The following RYR2 variants were observed in gnomAD, a reference collection of about 807,000 sequenced individuals.
RYR2 encodes cardiac muscle ryanodine receptor-calcium release channel.
RYR2 carries 227 observed loss-of-function variants against 601.1 expected under a neutral mutation model. The observed-to-expected ratio is 0.38, with a 90% CI of 0.34 to 0.42. The LOEUF (loss-of-function observed/expected upper bound fraction) is 0.42. Among genes scored for constraint, RYR2 ranks in the 10% least tolerant of loss-of-function variants. The probability of loss-of-function intolerance (pLI) is 1.00; values close to 1 mark genes in which losing one functional copy is unlikely to be tolerated. For missense variants in RYR2, 4,646 were observed against 6,156.5 expected (o/e 0.75, Z 8.21); for synonymous variants, 2,223 against 2,175.1 (o/e 1.02, Z -0.61).
At chr1:237,344,227 G>A (rs1011157976) in intron 3 of RYR2, among the ~76,000 whole-genome samples, 4 of 152,204 alleles carry the variant, frequency 2.6e-5, no homozygotes, top group East Asian at 1.9e-4. Context: ...TTCTCATGGC[G>A]TTTTGCCGGG....
chr1:237,303,395 G>A (rs1333832851), intron 2 of RYR2, among the ~76,000 whole-genome samples: 3 of 149,268 alleles, frequency 2.0e-5, no homozygotes, highest in Non-Finnish European at 4.4e-5. Flanking sequence ...TGCCTCTCGG[G>A]TTCAAGTGAT....
At chr1:237,273,581 C>T (rs1689932017) in intron 2 of RYR2, among the ~76,000 whole-genome samples, 1 of 152,044 alleles carries the variant, frequency 6.6e-6, no homozygotes, top group African/African-American at 2.4e-5. Context: ...ATGGCTCTGT[C>T]CTCTGACAAG....
chr1:237,795,836 G>GTGTATA (rs371932356), intron 96 of RYR2, among the ~76,000 whole-genome samples: 1,943 of 132,652 alleles, frequency 0.015, 47 homozygotes, highest in African/African-American at 0.049. Context: ...GTGTGTGTGT[G>GTGTATA]TATATATATA....
At chr1:237,485,831 T>A (rs781405115) in intron 17 of RYR2, among the ~76,000 whole-genome samples, 2 of 152,192 alleles carry the variant, frequency 1.3e-5, no homozygotes, top group Non-Finnish European at 2.9e-5. Flanking sequence ...GGGACTGATA[T>A]TCTATGCTAA....
intron 1 of RYR2, among the ~76,000 whole-genome samples, chr1:237,255,993 C>A (rs896698925): frequency 6.6e-6 from 1 of 152,008 alleles, no homozygotes; most frequent in African/African-American, 2.4e-5. Flanking sequence ...CCCTGACAGT[C>A]TTTAGAATTG....
intron 51 of RYR2, among the ~76,000 whole-genome samples, chr1:237,653,792 A>G (rs1316520900): frequency 6.6e-6 from 1 of 152,212 alleles, no homozygotes; most frequent in Non-Finnish European, 1.5e-5. Context: ...GCCCCTGGCA[A>G]AGCACTAGTG....
chr1:237,229,909 G>A (rs1162216630), intron 1 of RYR2, among the ~76,000 whole-genome samples: 1 of 152,170 alleles, frequency 6.6e-6, no homozygotes, highest in East Asian at 1.9e-4. Flanking sequence ...TGGGGTTGGA[G>A]AGATTTCCCT....
chr1:237,590,973 C>G lies in RYR2; in HGVS notation c.4141C>G (p.Pro1381Ala). ...CCACAAAGATTATGCCCAGGAAAAG[C>G]CCTCTCGTCTGAAACAAAGGTTACT... Reference protein sequence around the residue: ...NNHKDYAQEKPSRLKQRFLLR... With the variant: ...NNHKDYAQEKASRLKQRFLLR... The change falls in exon 31 of 105, where the codon CCC (proline) becomes GCC (alanine). Residue 1381 changes from proline (P) to alanine (A), a missense_variant. Around this residue, in one of 17 missense-constraint regions of RYR2, gnomAD observed 1,807 missense variants for 2,088.1 expected, o/e 0.87. Coordinates refer to ENST00000366574, the MANE Select transcript of RYR2 (RefSeq NM_001035.3). 1 of 1,611,740 alleles carries G rather than the reference C, an allele frequency of 6.2e-7. No individual in the cohort carries two copies. The highest frequency in any genetic ancestry group is 8.5e-7 in the Non-Finnish European group (1 of 1,178,784).
chr1:237,256,877 C>T (rs1688040171), intron 1 of RYR2, among the ~76,000 whole-genome samples: 1 of 152,150 alleles, frequency 6.6e-6, no homozygotes, highest in African/African-American at 2.4e-5. Flanking sequence ...CTTGAGGCTG[C>T]CCTTCCTTAG....
At chr1:237,137,016 CAAAAAAAA>C (rs1167110660) in intron 1 of RYR2, among the ~76,000 whole-genome samples, 1 of 41,192 alleles carries the variant, frequency 2.4e-5, no homozygotes, top group African/African-American at 8.0e-5. Context: ...GACTCCATCT[CAAAAAAAA>C]AAAAAAAAAA....
intron 21 of RYR2, among the ~76,000 whole-genome samples, chr1:237,501,926 A>G (rs1664682766): frequency 6.6e-6 from 1 of 152,200 alleles, no homozygotes; most frequent in Admixed American, 6.5e-5. Context: ...GGATTGCTTA[A>G]GGTCAGGAGT....
intron 1 of RYR2, among the ~76,000 whole-genome samples, chr1:237,250,302 C>G (rs1338785777): frequency 6.6e-6 from 1 of 152,178 alleles, no homozygotes; most frequent in Non-Finnish European, 1.5e-5. Flanking sequence ...TAAGTGGTCT[C>G]TAAGTGCTTT....
At chr1:237,101,700 T>C (rs1668123364) in intron 1 of RYR2, among the ~76,000 whole-genome samples, 1 of 152,196 alleles carries the variant, frequency 6.6e-6, no homozygotes, top group Non-Finnish European at 1.5e-5. Flanking sequence ...AAACCTTTAT[T>C]TGTACAAAAG....
At chr1:237,723,033 A>G (rs1689882326) in intron 73 of RYR2, 95 bp from the exon 74 acceptor site, 2 of 1,108,014 alleles carry the variant, frequency 1.8e-6, no homozygotes, top group South Asian at 1.6e-5. Context: ...GTAAAGCCCA[A>G]TAAATAATGA....
intron 10 of RYR2, among the ~76,000 whole-genome samples, chr1:237,415,102 A>T (rs757342440): frequency 2.6e-5 from 4 of 152,202 alleles, no homozygotes; most frequent in African/African-American, 4.8e-5. Flanking sequence ...ACAGCCCAAA[A>T]GAGAATCACG....
intron 78 of RYR2, among the ~76,000 whole-genome samples, chr1:237,733,059 A>G (rs1690828099): frequency 6.6e-6 from 1 of 152,026 alleles, no homozygotes; most frequent in South Asian, 2.1e-4. Flanking sequence ...AAATCATCTC[A>G]TTCCTAAGCA....
At chr1:237,285,342 A>G (rs1315521443) in intron 2 of RYR2, among the ~76,000 whole-genome samples, 3 of 152,134 alleles carry the variant, frequency 2.0e-5, no homozygotes, top group African/African-American at 7.2e-5. Context: ...ATTGACTTGC[A>G]TATATTAAAC....
intron 1 of RYR2, among the ~76,000 whole-genome samples, chr1:237,089,188 G>A (rs1271569659): frequency 6.6e-6 from 1 of 152,094 alleles, no homozygotes; most frequent in Admixed American, 6.5e-5. Context: ...TCTCAGTGTG[G>A]GGGTAACTGT....
At chr1:237,556,353 G>A (rs1670877810) in intron 27 of RYR2, among the ~76,000 whole-genome samples, 1 of 151,212 alleles carries the variant, frequency 6.6e-6, no homozygotes, top group Non-Finnish European at 1.5e-5. Context: ...AGGCTGGAGT[G>A]CAGTGGTGCA....
Sources: allele counts gnomAD v4.1 joint callset (sites outside exome capture counted in the v4.1 genomes callset), GRCh38; gene constraint gnomAD v4.1.1; regional missense constraint gnomAD v4.1.1; transcripts MANE v1.5; gene names NCBI Gene and HGNC (gene_info 2026-07-23, HGNC 2026-07-21).